GPC6: variants seen among roughly 807,000 people sequenced by gnomAD.
The protein encoded by GPC6 is glypican-6.
In GPC6, 14 loss-of-function variants were observed where a neutral mutation model predicts 55.2. That is an observed-to-expected ratio of 0.25 (90% confidence interval 0.17 to 0.40). The LOEUF is 0.40. Among genes scored for constraint, GPC6 ranks in the 10% least tolerant of loss-of-function variants. The pLI is 1.00. For synonymous variants in GPC6, 278 were observed against 259.6 expected, an observed-to-expected ratio of 1.07 and a Z score of -0.68; for missense variants, 641 against 708.5, an observed-to-expected ratio of 0.90 and a Z score of 1.08.
chr13:93,749,925 A>T (rs960336126), intron 2 of GPC6, among the ~76,000 whole-genome samples: 18 of 152,146 alleles, frequency 1.2e-4, no homozygotes, highest in African/African-American at 3.6e-4. Context: ...TTATTGGGGT[A>T]TTCTAACTTC....
intron 2 of GPC6, among the ~76,000 whole-genome samples, chr13:93,682,380 T>G (rs7326866): frequency 0.79 from 120,714 of 152,000 alleles, 49,354 homozygotes; most frequent in Non-Finnish European, 0.91. Context: ...CAGCCATGAG[T>G]GCGACTGGAC....
At chr13:93,652,795 CAG>C (rs1432974116) in intron 2 of GPC6, among the ~76,000 whole-genome samples, 3 of 152,186 alleles carry the variant, frequency 2.0e-5, no homozygotes, top group Non-Finnish European at 4.4e-5. Flanking sequence ...ATTTTTGTTT[CAG>C]GGGTTATTTG....
chr13:93,570,677 A>C (rs564894731), intron 2 of GPC6, among the ~76,000 whole-genome samples: 1 of 152,268 alleles, frequency 6.6e-6, no homozygotes, highest in Non-Finnish European at 1.5e-5. Context: ...TTCTACATAT[A>C]ACAAAGAACT....
chr13:93,221,492 TC>T, the GPC6 span, among the ~76,000 whole-genome samples: 1 of 152,056 alleles, frequency 6.6e-6, no homozygotes, highest in African/African-American at 2.4e-5. Context: ...TGTTTGGTTT[TC>T]CCCCCAAGAG....
At chr13:93,619,618 G>A (rs1023022664) in intron 2 of GPC6, among the ~76,000 whole-genome samples, 2 of 152,026 alleles carry the variant, frequency 1.3e-5, no homozygotes, top group African/African-American at 4.8e-5. Flanking sequence ...TGCCTGGCTA[G>A]TTTTTAGAAA....
At chr13:93,341,709 C>CT (rs941080744) in intron 1 of GPC6, among the ~76,000 whole-genome samples, 49 of 130,706 alleles carry the variant, frequency 3.7e-4, no homozygotes, top group Admixed American at 2.4e-3. Flanking sequence ...TTTTTTTTTT[C>CT]TTTTTTTTGC....
At chr13:93,459,488 G>T (rs1321142204) in intron 1 of GPC6, among the ~76,000 whole-genome samples, 8 of 152,126 alleles carry the variant, frequency 5.3e-5, no homozygotes, top group African/African-American at 1.7e-4. Context: ...AATTATAAAA[G>T]GATTCATTGG....
intron 3 of GPC6, among the ~76,000 whole-genome samples, chr13:93,876,032 T>A (rs963469567): frequency 6.6e-6 from 1 of 152,044 alleles, no homozygotes; most frequent in Non-Finnish European, 1.5e-5. Flanking sequence ...CAGCCAGTGA[T>A]AAGAGTCAGC....
At chr13:94,368,838 C>A (rs1156599666) in intron 6 of GPC6, among the ~76,000 whole-genome samples, 1 of 152,152 alleles carries the variant, frequency 6.6e-6, no homozygotes, top group Non-Finnish European at 1.5e-5. Context: ...TGATTTGGTG[C>A]TGTCAGAAAA....
chr13:94,288,828 T>TAG, intron 5 of GPC6, among the ~76,000 whole-genome samples: 1 of 113,990 alleles, frequency 8.8e-6, no homozygotes, highest in African/African-American at 3.4e-5. Context: ...AATATATATA[T>TAG]TTGTTATATA....
intron 1 of GPC6, among the ~76,000 whole-genome samples, chr13:93,486,002 CT>C (rs1479605910): frequency 2.0e-5 from 3 of 152,056 alleles, no homozygotes; most frequent in Admixed American, 1.3e-4. Flanking sequence ...AATATGTACA[CT>C]TTAGGGTAGG....
intron 4 of GPC6, among the ~76,000 whole-genome samples, chr13:94,049,358 A>T (rs1883852934): frequency 6.6e-6 from 1 of 151,938 alleles, no homozygotes; most frequent in South Asian, 2.1e-4. Flanking sequence ...ACTGATTCAT[A>T]GTTATGAGCA....
At chr13:93,942,513 G>A (rs1274470458) in intron 3 of GPC6, among the ~76,000 whole-genome samples, 5 of 152,224 alleles carry the variant, frequency 3.3e-5, no homozygotes, top group Admixed American at 2.6e-4. Flanking sequence ...GTAGGGACAG[G>A]TTTTTGCCAT....
Position 94,335,618 on chromosome 13 carries a change from A to AG in GPC6, c.1152+29496dup, listed in dbSNP as rs1877646876. Among the ~76,000 whole-genome samples the AG allele has an allele frequency of 3.9e-5, 6 of 152,284 alleles. No individual in the cohort carries two copies. The East Asian group carries it at 1.2e-3, about 29-fold the overall frequency. ...TTTAGAATGAATATACAATCCTGAA[A>AG]GAATCAGGATCTAACAAACAGTGGG... On this transcript the variant is annotated intron_variant, in intron 6 of 8. Coordinates refer to ENST00000377047, the MANE Select transcript of GPC6 (RefSeq NM_005708.5).
At chr13:94,316,484 G>A (rs1393535783) in intron 6 of GPC6, among the ~76,000 whole-genome samples, 4 of 152,096 alleles carry the variant, frequency 2.6e-5, no homozygotes, top group African/African-American at 9.7e-5. Context: ...TTGGGAGGCC[G>A]AGGCGGGCGG....
At chr13:94,353,479 T>TA (rs1445928288) in intron 6 of GPC6, among the ~76,000 whole-genome samples, 3 of 152,138 alleles carry the variant, frequency 2.0e-5, no homozygotes, top group South Asian at 4.1e-4. Flanking sequence ...AATCTGGATC[T>TA]AGGTCAGCAG....
intron 1 of GPC6, among the ~76,000 whole-genome samples, chr13:93,296,710 A>G (rs1008931462): frequency 1.3e-5 from 2 of 152,146 alleles, no homozygotes; most frequent in Non-Finnish European, 2.9e-5. Context: ...AGCCATGAGG[A>G]GGCATTACAT....
chr13:93,851,863 T>C (rs910123356), intron 3 of GPC6, among the ~76,000 whole-genome samples: 1 of 151,744 alleles, frequency 6.6e-6, no homozygotes, highest in East Asian at 1.9e-4. Context: ...GCTTCTGTTA[T>C]CTCATCTTCA....
At chr13:93,558,187 T>C (rs1194469753) in intron 2 of GPC6, among the ~76,000 whole-genome samples, 2 of 152,210 alleles carry the variant, frequency 1.3e-5, no homozygotes, top group Non-Finnish European at 2.9e-5. Context: ...AATACCTGTT[T>C]TGAAACTACG....
Sources: gnomAD v4.1 joint callset for allele counts (sites outside exome capture counted in the v4.1 genomes callset) on GRCh38, gnomAD v4.1.1 for gene constraint, MANE v1.5 for transcripts, NCBI Gene and HGNC (gene_info 2026-07-23, HGNC 2026-07-21) for gene names.